STARD13: variants seen among roughly 807,000 people sequenced by gnomAD.
STARD13 encodes StAR related lipid transfer domain containing 13.
STARD13 carries 62 observed loss-of-function variants against 106.4 expected under a neutral mutation model. That is an observed-to-expected ratio of 0.58 (90% CI 0.48 to 0.72). The LOEUF is 0.72. STARD13 is among the 30% of genes least tolerant of loss of function. The probability of loss-of-function intolerance (pLI) is 0.00; values close to 1 mark genes in which losing one functional copy is unlikely to be tolerated. For synonymous variants in STARD13, 565 were observed against 553.0 expected (o/e 1.02, Z -0.31); for missense variants, 1,387 against 1,424.0 (o/e 0.97, Z 0.42).
At chr13:33,670,802 C>T in the STARD13 span, among the ~76,000 whole-genome samples, 3 of 152,182 alleles carry the variant, frequency 2.0e-5, no homozygotes, top group African/African-American at 7.2e-5. Flanking sequence ...TATTAATCTG[C>T]CTCATTGCAT....
At chr13:33,246,953 T>C (rs976197485) in intron 1 of STARD13, among the ~76,000 whole-genome samples, 3 of 152,134 alleles carry the variant, frequency 2.0e-5, no homozygotes, top group Non-Finnish European at 2.9e-5. Flanking sequence ...TCCCAGCACT[T>C]TGGGAGGCCG....
chr13:33,596,925 T>A, the STARD13 span, among the ~76,000 whole-genome samples: 9 of 152,220 alleles, frequency 5.9e-5, no homozygotes, highest in African/African-American at 2.2e-4. Context: ...ATTTTCTTTG[T>A]CTATTCATCC....
chr13:33,535,976 A>C, the STARD13 span, among the ~76,000 whole-genome samples: 28 of 152,224 alleles, frequency 1.8e-4, no homozygotes, highest in Admixed American at 2.0e-4. Flanking sequence ...CTTACACCCC[A>C]GTTGGTCCTC....
intron 13 of STARD13, among the ~76,000 whole-genome samples, chr13:33,106,014 C>A (rs1873642981): frequency 6.6e-6 from 1 of 152,254 alleles, no homozygotes; most frequent in Non-Finnish European, 1.5e-5. Flanking sequence ...TCCGTTTTGT[C>A]TACCCAGACC....
chr13:33,445,034 G>A, the STARD13 span, among the ~76,000 whole-genome samples: 1 of 152,122 alleles, frequency 6.6e-6, no homozygotes, highest in African/African-American at 2.4e-5. Context: ...ATACAGAACT[G>A]CGCTAAGTAA....
intron 1 of STARD13, among the ~76,000 whole-genome samples, chr13:33,216,325 C>A (rs1198759204): frequency 6.6e-6 from 1 of 152,148 alleles, no homozygotes; most frequent in Non-Finnish European, 1.5e-5. Flanking sequence ...AAATGCCCAT[C>A]AATCAATGAG....
chr13:33,643,159 GCACACACACACACACACA>G, the STARD13 span, among the ~76,000 whole-genome samples: 11 of 139,806 alleles, frequency 7.9e-5, no homozygotes, highest in East Asian at 2.1e-4. Flanking sequence ...CATAGAACAT[GCACACACACACACACACA>G]CACACACACA....
chr13:33,339,672 G>A (rs1170802423), intron 1 of STARD13, among the ~76,000 whole-genome samples: 1 of 152,182 alleles, frequency 6.6e-6, no homozygotes, highest in Non-Finnish European at 1.5e-5. Context: ...TGTCTAGAAA[G>A]AATAAAACCT....
At chr13:33,392,228 C>T in the STARD13 span, among the ~76,000 whole-genome samples, 2 of 152,242 alleles carry the variant, frequency 1.3e-5, no homozygotes, top group African/African-American at 2.4e-5. Context: ...TGCCCATGTG[C>T]GTTCTTTGCT....
the STARD13 span, among the ~76,000 whole-genome samples, chr13:33,589,496 G>T: frequency 1.3e-5 from 2 of 152,272 alleles, no homozygotes; most frequent in East Asian, 3.9e-4. Flanking sequence ...CTGGTATGTT[G>T]TGTCTTTGTT....
At chr13:33,338,153 T>A (rs1404674028) in intron 1 of STARD13, among the ~76,000 whole-genome samples, 2 of 152,114 alleles carry the variant, frequency 1.3e-5, no homozygotes, top group Non-Finnish European at 2.9e-5. Flanking sequence ...TTCATGGGAG[T>A]GACACTGGTA....
the STARD13 span, among the ~76,000 whole-genome samples, chr13:33,414,047 A>AAAAAAG: frequency 2.0e-4 from 29 of 143,674 alleles, 2 homozygotes; most frequent in African/African-American, 7.9e-4. Context: ...AAAAAAAAAA[A>AAAAAAG]AAAGAAAAGA....
chr13:33,398,178 T>C, the STARD13 span, among the ~76,000 whole-genome samples: 3 of 152,208 alleles, frequency 2.0e-5, no homozygotes, highest in African/African-American at 7.2e-5. Flanking sequence ...TAACTCTCCT[T>C]TGAGGAGACA....
At chr13:33,519,466 A>G in the STARD13 span, among the ~76,000 whole-genome samples, 2 of 151,454 alleles carry the variant, frequency 1.3e-5, no homozygotes, top group African/African-American at 4.9e-5. Flanking sequence ...CTGAGATTAC[A>G]GGTGTGAGCC....
At chr13:33,180,852 G>A (rs1885159512) in intron 1 of STARD13, among the ~76,000 whole-genome samples, 1 of 152,124 alleles carries the variant, frequency 6.6e-6, no homozygotes, top group African/African-American at 2.4e-5. Flanking sequence ...GTGCCAAATG[G>A]AAAATTTAGA....
At chr13:33,402,734 G>A in the STARD13 span, among the ~76,000 whole-genome samples, 1 of 152,202 alleles carries the variant, frequency 6.6e-6, no homozygotes, top group East Asian at 1.9e-4. Context: ...ACATGGCAGA[G>A]AAAGAGAGAA....
At chr13:33,663,455 T>C in the STARD13 span, among the ~76,000 whole-genome samples, 2 of 152,118 alleles carry the variant, frequency 1.3e-5, no homozygotes, top group African/African-American at 2.4e-5. Flanking sequence ...AAAGTTGAAA[T>C]AGTAATAGTA....
At chr13:33,356,452 A>G in the STARD13 span, among the ~76,000 whole-genome samples, 1 of 152,186 alleles carries the variant, frequency 6.6e-6, no homozygotes, top group African/African-American at 2.4e-5. Flanking sequence ...CCCAGCTCCC[A>G]TAGGCAGTAC....
chr13:33,297,238 G>GTAT (rs1892530034), intron 1 of STARD13, among the ~76,000 whole-genome samples: 1 of 152,210 alleles, frequency 6.6e-6, no homozygotes, highest in South Asian at 2.1e-4. Context: ...AACAGATCTG[G>GTAT]TATAACACAG....
Sources: gnomAD v4.1 joint callset for allele counts (sites outside exome capture counted in the v4.1 genomes callset) on GRCh38, gnomAD v4.1.1 for gene constraint, MANE v1.5 for transcripts, NCBI Gene and HGNC (gene_info 2026-07-23, HGNC 2026-07-21) for gene names.